The following SMC6 variants were observed in gnomAD, a reference collection of about 807,000 sequenced individuals.
SMC6 encodes the protein structural maintenance of chromosomes protein 6.
Under a neutral mutation model 142.2 loss-of-function variants are expected in SMC6, and 79 were observed. The observed-to-expected ratio is 0.56, with a 90% confidence interval of 0.46 to 0.67. The LOEUF (loss-of-function observed/expected upper bound fraction) is 0.67, where lower values mean the gene tolerates loss of function less well. Ranked by LOEUF, SMC6 falls within the 30% of genes least tolerant of loss-of-function variation. The pLI, the probability that SMC6 is intolerant of heterozygous loss-of-function variation, is 0.00. For missense variants in SMC6, 1,072 were observed against 1,284.0 expected (o/e 0.83, Z 2.52); for synonymous variants, 411 against 412.4 (o/e 1.00, Z 0.04).
chr2:17,704,159 T>C (rs1429302114), intron 18 of SMC6, among the ~76,000 whole-genome samples: 3 of 151,768 alleles, frequency 2.0e-5, no homozygotes, highest in South Asian at 2.1e-4. Flanking sequence ...CACTAGATTA[T>C]ATATCCATAG....
Position 17,716,168 on chromosome 2 carries a change from G to C in SMC6, c.1443C>G (p.Gly481=). The C allele has an allele frequency of 6.2e-7, 1 of 1,612,328 alleles. No homozygotes were observed. The highest frequency in any genetic ancestry group is 1.7e-5 in the Admixed American group (1 of 59,442). Residue 481 remains glycine (G), a synonymous_variant, in exon 15 of 28, where the codon GGC becomes GGG. Coordinates refer to ENST00000448223, the MANE Select transcript of SMC6 (RefSeq NM_001142286.2). ...CTTCAAGAAGAGCTGGAACATTAGG[G>C]CCAAATCTTTTGAGTCGATCAGTTT... ...DSKTDRLKRF[G]PNVPALLEAI... is the part of the protein sequence containing the mutation.
At chr2:17,734,362 T>C (rs1670045955) in intron 5 of SMC6, among the ~76,000 whole-genome samples, 1 of 152,236 alleles carries the variant, frequency 6.6e-6, no homozygotes, top group South Asian at 2.1e-4. Flanking sequence ...TATTACCTAA[T>C]TAAGACAGAT....
chr2:17,728,472 T>C (rs1344390705), intron 7 of SMC6, among the ~76,000 whole-genome samples: 3 of 151,708 alleles, frequency 2.0e-5, no homozygotes, highest in Non-Finnish European at 4.4e-5. Flanking sequence ...AAGGCCGAGG[T>C]GTGAGGATCA....
At chr2:17,753,091 C>A in intron 1 of SMC6, 27 bp from the exon 2 acceptor site, 1 of 867,960 alleles carries the variant, frequency 1.2e-6, no homozygotes, top group Non-Finnish European at 1.4e-6. Context: ...CAGAGAAATG[C>A]CATCAGTAAA....
At chr2:17,704,018 G>T (rs1047983584) in intron 18 of SMC6, among the ~76,000 whole-genome samples, 1 of 151,626 alleles carries the variant, frequency 6.6e-6, no homozygotes, top group Non-Finnish European at 1.5e-5. Context: ...CTGTTCAAGG[G>T]TCAAATATAC....
Position 17,695,276 on chromosome 2 carries a change from G to C in SMC6, c.2554C>G (p.Gln852Glu). 3.1e-6 allele frequency: 5 copies of C among 1,612,270 alleles called. No individual in the cohort carries two copies. Among genetic ancestry groups the C allele is most frequent in the Non-Finnish European group, 4.2e-6 (5 of 1,179,572 alleles). The change falls in exon 23 of 28, where the codon CAA becomes GAA. Residue 852 changes from glutamine (Q) to glutamate (E), a missense_variant. This residue lies in a region of SMC6 where 994 missense variants were observed against 1,153.2 expected (regional missense o/e 0.86). Coordinates refer to ENST00000448223, the MANE Select transcript of SMC6 (RefSeq NM_001142286.2). ...ACTTCTATACGCTCTGGGCAGATTT[G>C]TCTTGCTTGTGACATTTTCTCCTAA... ...ELEEKMSQAR[Q>E]ICPERIEVEK... is the part of the protein sequence containing the mutation.
chr2:17,678,453 G>A (rs1262771145), intron 25 of SMC6, among the ~76,000 whole-genome samples: 1 of 152,030 alleles, frequency 6.6e-6, no homozygotes, highest in African/African-American at 2.4e-5. Flanking sequence ...ACAGGTTAAA[G>A]TTTATCAATG....
intron 18 of SMC6, among the ~76,000 whole-genome samples, chr2:17,704,624 T>C (rs2124950325): frequency 6.6e-6 from 1 of 152,312 alleles, no homozygotes; most frequent in South Asian, 2.1e-4. Context: ...TTTCTCCACA[T>C]TTTAACATCT....
At chr2:17,691,304 T>C (rs1195964910) in intron 23 of SMC6, among the ~76,000 whole-genome samples, 2 of 113,456 alleles carry the variant, frequency 1.8e-5, no homozygotes, top group Non-Finnish European at 3.7e-5. Context: ...AAAAGCTGAA[T>C]AGTATTCTGG....
At chr2:17,738,976 G>A (rs1670293582) in intron 4 of SMC6, among the ~76,000 whole-genome samples, 1 of 151,338 alleles carries the variant, frequency 6.6e-6, no homozygotes. Flanking sequence ...TCCCTCAAAA[G>A]TAAGCTCCAT....
intron 25 of SMC6, among the ~76,000 whole-genome samples, chr2:17,671,878 C>G (rs984694366): frequency 6.6e-6 from 1 of 151,920 alleles, no homozygotes; most frequent in African/African-American, 2.4e-5. Context: ...TACATATATG[C>G]ATACAAGGTG....
Position 17,670,571 on chromosome 2 carries a change from T to C in SMC6, c.2915A>G (p.Gln972Arg), listed in dbSNP as rs1194643869. Residue 972 changes from glutamine to arginine, a missense_variant, in exon 26 of 28, where the codon CAG becomes CGG. Around this residue, in one of 3 missense-constraint regions of SMC6, gnomAD observed 994 missense variants for 1,153.2 expected, o/e 0.86. Coordinates refer to ENST00000448223, the MANE Select transcript of SMC6 (RefSeq NM_001142286.2). ...AGCAGCTTTATTTCCTTCTCCAGGC[T>C]GAACCTTGAAGAGAATGAGTTGACA... ...HKNETLSISV[Q>R]PGEGNKAAFN... 6.4e-7 allele frequency: 1 copy of C among 1,553,556 alleles called. No homozygotes were observed. The highest frequency in any genetic ancestry group is 8.6e-7 in the Non-Finnish European group (1 of 1,158,948).
intron 23 of SMC6, among the ~76,000 whole-genome samples, chr2:17,691,233 T>TAC (rs138226968): frequency 0.26 from 32,496 of 122,972 alleles, 5,109 homozygotes; most frequent in Middle Eastern, 0.41. Context: ...AAAATGTGTA[T>TAC]ACACACACAC....
chr2:17,745,739 CTTGATT>C, intron 3 of SMC6, 82 bp downstream of exon 3: 2 of 1,347,498 alleles, frequency 1.5e-6, no homozygotes, highest in East Asian at 2.6e-5. Flanking sequence ...ATTACTTTTT[CTTGATT>C]TTAAGTTATC....
chr2:17,717,981 T>G (rs1418656652), intron 12 of SMC6, 96 bp downstream of exon 12: 18 of 1,299,534 alleles, frequency 1.4e-5, no homozygotes, highest in Non-Finnish European at 3.1e-6. Context: ...GCAAGACTAT[T>G]TCAAAAAAAA....
At chr2:17,716,587 G>A (rs1275921453) in intron 14 of SMC6, among the ~76,000 whole-genome samples, 154 bp downstream of exon 14, 1 of 152,080 alleles carries the variant, frequency 6.6e-6, no homozygotes, top group Non-Finnish European at 1.5e-5. Context: ...AGTTAGCCCT[G>A]CTCTGCAAAG....
chr2:17,700,916 A>G (rs985041374), intron 20 of SMC6, among the ~76,000 whole-genome samples: 2 of 151,918 alleles, frequency 1.3e-5, no homozygotes, highest in African/African-American at 4.8e-5. Flanking sequence ...GTGTAATCCC[A>G]GCTACTTGGG....
intron 23 of SMC6, among the ~76,000 whole-genome samples, chr2:17,688,315 TAA>T (rs36077684): frequency 7.7e-5 from 10 of 130,138 alleles, no homozygotes; most frequent in South Asian, 4.9e-4. Context: ...AAAATGCTAT[TAA>T]AAAAAAAAAA....
intron 23 of SMC6, among the ~76,000 whole-genome samples, chr2:17,684,013 G>A (rs1002027372): frequency 6.6e-6 from 1 of 152,200 alleles, no homozygotes; most frequent in African/African-American, 2.4e-5. Flanking sequence ...GAGACAGTGT[G>A]TGAACAAATG....
Sources: allele counts gnomAD v4.1 joint callset (sites outside exome capture counted in the v4.1 genomes callset), GRCh38; gene constraint gnomAD v4.1.1; regional missense constraint gnomAD v4.1.1; transcripts MANE v1.5; gene names NCBI Gene and HGNC (gene_info 2026-07-23, HGNC 2026-07-21).